The following NAALADL2 variants were observed in gnomAD, a reference collection of about 807,000 sequenced individuals.
NAALADL2 encodes inactive N-acetylated-alpha-linked acidic dipeptidase-like protein 2.
In NAALADL2, 76 loss-of-function variants were observed where a neutral mutation model predicts 87.2. The ratio of observed to expected loss-of-function variants is 0.87; its 90% CI spans 0.72 to 1.05. The LOEUF (loss-of-function observed/expected upper bound fraction) is 1.05. NAALADL2 is among the 50% of genes least tolerant of loss of function. NAALADL2 has a pLI of 0.00. For synonymous variants in NAALADL2, 354 were observed against 331.0 expected (o/e 1.07, Z -0.75); for missense variants, 1,089 against 945.8 (o/e 1.15, Z -1.99).
chr3:175,531,694 G>T (rs1734106471), intron 9 of NAALADL2, among the ~76,000 whole-genome samples: 1 of 152,238 alleles, frequency 6.6e-6, no homozygotes, highest in Non-Finnish European at 1.5e-5. Context: ...AAAGGCATTT[G>T]CCAAGTCAGT....
chr3:174,663,379 T>A (rs1363884897), intron 2 of NAALADL2, among the ~76,000 whole-genome samples: 2 of 152,152 alleles, frequency 1.3e-5, no homozygotes, highest in Non-Finnish European at 2.9e-5. Flanking sequence ...GGCTGGGTAA[T>A]TCATAAGGAA....
chr3:174,823,329 TA>T (rs1051924940), intron 3 of NAALADL2, among the ~76,000 whole-genome samples: 6 of 152,166 alleles, frequency 3.9e-5, no homozygotes, highest in African/African-American at 7.2e-5. Flanking sequence ...AGATCCTAAT[TA>T]AAATGTTCCA....
At chr3:175,228,111 C>T (rs1479578519) in intron 2 of NAALADL2, among the ~76,000 whole-genome samples, 4 of 151,770 alleles carry the variant, frequency 2.6e-5, no homozygotes, top group Non-Finnish European at 5.9e-5. Context: ...CTTGTATTTT[C>T]TAGGTTTCTA....
intron 2 of NAALADL2, among the ~76,000 whole-genome samples, chr3:174,726,399 A>G (rs1281638357): frequency 1.3e-5 from 2 of 152,162 alleles, no homozygotes; most frequent in Non-Finnish European, 2.9e-5. Context: ...TGGGCATACA[A>G]CAACCTGTCA....
chr3:175,592,634 C>T (rs1320020201), intron 10 of NAALADL2, among the ~76,000 whole-genome samples: 1 of 150,340 alleles, frequency 6.7e-6, no homozygotes, highest in Non-Finnish European at 1.5e-5. Context: ...TAAACTATAG[C>T]AAGAACAAAA....
chr3:174,944,851 T>G (rs11914696), intron 1 of NAALADL2, among the ~76,000 whole-genome samples: 6,277 of 152,046 alleles, frequency 0.041, 439 homozygotes, highest in African/African-American at 0.14. Flanking sequence ...GGGCAGGGAG[T>G]TTCCACTGGC....
At chr3:175,408,717 C>T (rs890101097) in intron 5 of NAALADL2, among the ~76,000 whole-genome samples, 1 of 151,938 alleles carries the variant, frequency 6.6e-6, no homozygotes, top group African/African-American at 2.4e-5. Context: ...ATGTTATCAT[C>T]TCTTTAATGA....
chr3:175,006,602 A>G (rs1749055468), intron 1 of NAALADL2, among the ~76,000 whole-genome samples: 2 of 151,108 alleles, frequency 1.3e-5, no homozygotes, highest in African/African-American at 2.4e-5. Flanking sequence ...TTCTTCTTAT[A>G]CAACATAGTT....
intron 1 of NAALADL2, among the ~76,000 whole-genome samples, chr3:175,013,062 CATATATATAAATATGTAAT>C: frequency 2.0e-4 from 2 of 9,862 alleles, no homozygotes; most frequent in African/African-American, 4.7e-4. Flanking sequence ...AATATATACA[CATATATATAAATATGTAAT>C]ACATATTTAT....
chr3:175,794,277 G>T (rs1753182479), intron 13 of NAALADL2, among the ~76,000 whole-genome samples: 1 of 151,784 alleles, frequency 6.6e-6, no homozygotes, highest in East Asian at 1.9e-4. Context: ...AGTAAAGAAA[G>T]AAAAGTTATC....
At chr3:174,715,734 A>G (rs1376755899) in intron 2 of NAALADL2, among the ~76,000 whole-genome samples, 1 of 152,128 alleles carries the variant, frequency 6.6e-6, no homozygotes, top group African/African-American at 2.4e-5. Flanking sequence ...AATGTGTTAG[A>G]AGGTATTATA....
chr3:175,639,218 C>T (rs961259813), intron 11 of NAALADL2, among the ~76,000 whole-genome samples: 5 of 151,942 alleles, frequency 3.3e-5, no homozygotes, highest in African/African-American at 1.2e-4. Context: ...GCTTCTCTAG[C>T]AAACAGGTGC....
chr3:175,633,093 C>T lies in NAALADL2; in HGVS notation c.1896+5707C>T, dbSNP rs73171430. ...ACAGGCTAAAAGACCCAGGATAGAG[C>T]GGTTCATGTAGTCCTCAAGACAGAA... On this transcript the variant is annotated intron_variant, in intron 11 of 13. Transcript: ENST00000454872. 2.9e-3 allele frequency among the ~76,000 whole-genome samples: 442 copies of T among 152,022 alleles called. 1 individual carries two copies. The highest frequency in any genetic ancestry group is 4.6e-3 in the Non-Finnish European group (311 of 67,936).
intron 1 of NAALADL2, among the ~76,000 whole-genome samples, chr3:175,027,233 G>T (rs1752325480): frequency 1.3e-5 from 2 of 151,994 alleles, no homozygotes; most frequent in African/African-American, 4.8e-5. Context: ...GATATATCTA[G>T]TAAAAAGTAG....
chr3:175,583,196 G>T (rs924332767), intron 10 of NAALADL2, among the ~76,000 whole-genome samples: 68 of 152,164 alleles, frequency 4.5e-4, no homozygotes, highest in African/African-American at 1.6e-3. Context: ...ATACATTATT[G>T]ATCCCAGCAT....
intron 2 of NAALADL2, among the ~76,000 whole-genome samples, chr3:174,701,285 C>T (rs974928085): frequency 1.3e-5 from 2 of 151,278 alleles, no homozygotes; most frequent in Non-Finnish European, 2.9e-5. Context: ...TCATATGAAC[C>T]TAACACCTAG....
chr3:175,298,002 A>G (rs778423733), intron 4 of NAALADL2, among the ~76,000 whole-genome samples: 1 of 152,148 alleles, frequency 6.6e-6, no homozygotes, highest in African/African-American at 2.4e-5. Flanking sequence ...TGTATTCCAG[A>G]TGCTACAACA....
chr3:175,435,534 C>T (rs1288465141), intron 5 of NAALADL2, among the ~76,000 whole-genome samples: 4 of 151,900 alleles, frequency 2.6e-5, no homozygotes, highest in Non-Finnish European at 5.9e-5. Context: ...AAAAATTATC[C>T]TTTAATTGAC....
At chr3:175,600,119 A>G (rs1336414195) in intron 10 of NAALADL2, among the ~76,000 whole-genome samples, 1 of 152,020 alleles carries the variant, frequency 6.6e-6, no homozygotes, top group Non-Finnish European at 1.5e-5. Context: ...ATATTAAAAT[A>G]AATATTCAAT....
Sources: allele counts gnomAD v4.1 joint callset (sites outside exome capture counted in the v4.1 genomes callset), GRCh38; gene constraint gnomAD v4.1.1; transcripts MANE v1.5; gene names NCBI Gene and HGNC (gene_info 2026-07-23, HGNC 2026-07-21).